Variants in SORCS3 observed in about 807,000 individuals in gnomAD.
The protein encoded by SORCS3 is VPS10 domain-containing receptor SorCS3.
In SORCS3, 57 loss-of-function variants were observed where a neutral mutation model predicts 146.3. That is an observed-to-expected ratio of 0.39 (90% CI 0.31 to 0.49). SORCS3 has a LOEUF of 0.49. Ranked by LOEUF, SORCS3 falls within the 20% of genes least tolerant of loss-of-function variation. The pLI, the probability that SORCS3 is intolerant of heterozygous loss-of-function variation, is 0.92. For synonymous variants in SORCS3, 653 were observed against 618.5 expected, an observed-to-expected ratio of 1.06 and a Z score of -0.83; for missense variants, 1,341 against 1,575.5, an observed-to-expected ratio of 0.85 and a Z score of 2.52.
chr10:104,797,938 T>C (rs2017576399), intron 1 of SORCS3, among the ~76,000 whole-genome samples: 1 of 152,114 alleles, frequency 6.6e-6, no homozygotes, highest in African/African-American at 2.4e-5. Flanking sequence ...GCTACTGAAT[T>C]AGCATTTTTG....
In SORCS3 at chr10:104,995,962, T is replaced by C. The variant is rs571310832; in HGVS notation, c.954+18469T>C. Among the ~76,000 whole-genome samples, 3 of 152,340 alleles carry C rather than the reference T, an allele frequency of 2.0e-5. No individual in the cohort carries two copies. In the East Asian group the frequency reaches 5.8e-4, roughly 29 times the overall value. On this transcript the variant is annotated intron_variant, in intron 4 of 26. Coordinates refer to ENST00000369701, the MANE Select transcript of SORCS3 (RefSeq NM_014978.3). ...GCAAGATATAGATCAAAGTTTATGA[T>C]TATTGCATATGGATACCAAATTATT...
intron 1 of SORCS3, among the ~76,000 whole-genome samples, chr10:104,787,785 A>AT (rs1366062222): frequency 6.6e-6 from 1 of 152,206 alleles, no homozygotes. Flanking sequence ...CTGGCCCCGA[A>AT]TCCCCAGTGA....
intron 2 of SORCS3, among the ~76,000 whole-genome samples, chr10:104,892,841 G>A (rs191417059): frequency 6.6e-6 from 1 of 152,282 alleles, no homozygotes; most frequent in East Asian, 1.9e-4. Context: ...AACACATAGT[G>A]TGTTCTCATT....
chr10:104,857,443 A>G (rs1387427468), intron 2 of SORCS3, among the ~76,000 whole-genome samples: 2 of 152,068 alleles, frequency 1.3e-5, no homozygotes, highest in African/African-American at 2.4e-5. Flanking sequence ...CAATGTTATG[A>G]TGTTCTTATT....
intron 4 of SORCS3, among the ~76,000 whole-genome samples, chr10:105,014,084 C>T (rs866159835): frequency 5.3e-5 from 7 of 130,928 alleles, no homozygotes; most frequent in Non-Finnish European, 9.4e-5. Flanking sequence ...TATATATATA[C>T]ACACATATAT....
At chr10:104,908,354 C>T (rs1278176210) in intron 2 of SORCS3, among the ~76,000 whole-genome samples, 1 of 152,064 alleles carries the variant, frequency 6.6e-6, no homozygotes, top group Non-Finnish European at 1.5e-5. Context: ...TAGTGCAAAT[C>T]AAGAAAAAGA....
intron 1 of SORCS3, among the ~76,000 whole-genome samples, chr10:104,814,806 C>G (rs1275882220): frequency 6.6e-6 from 1 of 152,164 alleles, no homozygotes; most frequent in African/African-American, 2.4e-5. Flanking sequence ...GCTTCAAGAC[C>G]TATGCCAAAA....
Position 105,242,575 on chromosome 10 carries a change from T to TAC in SORCS3, c.2869-2966_2869-2965insCA, listed in dbSNP as rs1474192689. ...TTATATACATTTATATATATTTATA[T>TAC]ATTTATATATATTTATATATGTTTA... On this transcript the variant is annotated intron_variant, in intron 20 of 26. Transcript: ENST00000369701. 6.1e-3 allele frequency among the ~76,000 whole-genome samples: 341 copies of TAC among 55,466 alleles called. 2 individuals carry two copies. Among genetic ancestry groups the TAC allele is most frequent in the East Asian group, 0.023 (23 of 988 alleles). 36.4% of individuals were successfully genotyped at this position (55,466 alleles called of 152,430 possible). A position where few individuals can be genotyped will look rare whatever the true frequency, so the allele number is the denominator to read the frequency against.
intron 20 of SORCS3, among the ~76,000 whole-genome samples, chr10:105,239,674 C>T (rs1342808237): frequency 6.6e-6 from 1 of 152,152 alleles, no homozygotes; most frequent in Non-Finnish European, 1.5e-5. Flanking sequence ...AGCACAGAGA[C>T]AGAGAAGTCA....
At chr10:104,663,866 G>C (rs1204552801) in intron 1 of SORCS3, among the ~76,000 whole-genome samples, 1 of 152,000 alleles carries the variant, frequency 6.6e-6, no homozygotes, top group East Asian at 1.9e-4. Flanking sequence ...TAAAGAAGAA[G>C]ATCTCTATCA....
chr10:105,006,228 C>A (rs923228902), intron 4 of SORCS3, among the ~76,000 whole-genome samples: 1 of 152,206 alleles, frequency 6.6e-6, no homozygotes, highest in African/African-American at 2.4e-5. Flanking sequence ...AGGCATGAGC[C>A]ACCACGCCTG....
chr10:105,088,445 T>G (rs112552813), intron 5 of SORCS3, among the ~76,000 whole-genome samples: 58 of 152,296 alleles, frequency 3.8e-4, no homozygotes, highest in African/African-American at 1.3e-3. Context: ...ATTTCGACCT[T>G]TCAAGAAGTA....
intron 20 of SORCS3, among the ~76,000 whole-genome samples, chr10:105,227,425 A>G (rs2056740343): frequency 6.6e-6 from 1 of 152,116 alleles, no homozygotes; most frequent in African/African-American, 2.4e-5. Context: ...ATATGATTTC[A>G]ACTTTACAAA....
At chr10:104,905,500 C>G (rs1391017670) in intron 2 of SORCS3, among the ~76,000 whole-genome samples, 1 of 152,166 alleles carries the variant, frequency 6.6e-6, no homozygotes, top group Non-Finnish European at 1.5e-5. Context: ...GGGAATCTGT[C>G]TGAATGTGAC....
intron 1 of SORCS3, among the ~76,000 whole-genome samples, chr10:104,703,711 G>GTTTT (rs11338927): frequency 3.0e-5 from 4 of 135,422 alleles, no homozygotes; most frequent in East Asian, 2.1e-4. Flanking sequence ...CATGTATCCT[G>GTTTT]TTTTTTTTTT....
intron 1 of SORCS3, among the ~76,000 whole-genome samples, chr10:104,836,252 C>T (rs2018066715): frequency 6.6e-6 from 1 of 152,142 alleles, no homozygotes; most frequent in South Asian, 2.1e-4. Context: ...CTGTCAGGGA[C>T]TTGGACTTGT....
At chr10:105,232,250 A>G (rs2056769806) in intron 20 of SORCS3, among the ~76,000 whole-genome samples, 1 of 152,056 alleles carries the variant, frequency 6.6e-6, no homozygotes. Context: ...AACCTTTTTC[A>G]TCCTGTGTGA....
chr10:105,240,948 A>AATATC (rs1564792823), intron 20 of SORCS3, among the ~76,000 whole-genome samples: 6 of 107,288 alleles, frequency 5.6e-5, no homozygotes, highest in African/African-American at 1.8e-4. Context: ...ACTGAAAAAA[A>AATATC]TATATATATA....
At chr10:104,700,090 CT>C (rs2133429934) in intron 1 of SORCS3, among the ~76,000 whole-genome samples, 1 of 152,318 alleles carries the variant, frequency 6.6e-6, no homozygotes, top group South Asian at 2.1e-4. Context: ...TGCTTGGACG[CT>C]GAGCTGTGAT....
Sources: allele counts gnomAD v4.1 joint callset (sites outside exome capture counted in the v4.1 genomes callset), GRCh38; gene constraint gnomAD v4.1.1; transcripts MANE v1.5; gene names NCBI Gene and HGNC (gene_info 2026-07-23, HGNC 2026-07-21).